EPHA5: variants seen among roughly 807,000 people sequenced by gnomAD.
EPHA5 encodes the protein EPH receptor A5, also known as ephrin type-A receptor 5.
A neutral mutation model predicts 105.0 loss-of-function variants in EPHA5; 60 were observed. The observed-to-expected ratio is 0.57, with a 90% CI of 0.46 to 0.71. The LOEUF (loss-of-function observed/expected upper bound fraction) is 0.71, where lower values mean the gene tolerates loss of function less well. EPHA5 is among the 30% of genes least tolerant of loss of function. The pLI is 0.00. For synonymous variants in EPHA5, 513 were observed against 449.1 expected (o/e 1.14, Z -1.80); for missense variants, 1,218 against 1,274.7 (o/e 0.96, Z 0.68).
Position 65,574,631 on chromosome 4 carries a change from TATATATATACAC to T in EPHA5, c.910+26998_910+27009del, listed in dbSNP as rs1489048013. 4.9e-4 allele frequency among the ~76,000 whole-genome samples: 40 copies of T among 81,694 alleles called. No individual in the cohort carries two copies. In the East Asian group the frequency reaches 8.1e-3, roughly 17 times the overall value. 53.6% of individuals were successfully genotyped at this position (81,694 alleles called of 152,430 possible). A position where few individuals can be genotyped will look rare whatever the true frequency, so the allele number is the denominator to read the frequency against. On this transcript the variant is annotated intron_variant, in intron 3 of 16. Coordinates refer to ENST00000613740, the MANE Select transcript of EPHA5 (RefSeq NM_001281766.3). ...ATATATACATATATATATATACACA[TATATATATACAC>T]ATATATATACACATATATATATACA... is the stretch of plus-strand genomic sequence containing the variant.
rs139159682 is a variant in EPHA5, at chr4:65,599,547, T to A, written c.910+2094A>T. ...AAACTCTTCCTAGAGTGCCATCACA[T>A]ACCATTTGTACATAGTAAAATACCA... On this transcript the variant is annotated intron_variant, in intron 3 of 16. Coordinates refer to ENST00000613740, the MANE Select transcript of EPHA5 (RefSeq NM_001281766.3). Among the ~76,000 whole-genome samples the A allele has an allele frequency of 5.5e-3, 835 of 152,256 alleles. 10 individuals carry two copies. The highest frequency in any genetic ancestry group is 0.02 in the African/African-American group (815 of 41,564).
At chr4:65,571,817 G>T (rs1440664169) in intron 3 of EPHA5, among the ~76,000 whole-genome samples, 1 of 151,884 alleles carries the variant, frequency 6.6e-6, no homozygotes, top group African/African-American at 2.4e-5. Flanking sequence ...TTGCATAATA[G>T]CATTTCAGTA....
chr4:65,398,083 G>A (rs1721428382), intron 8 of EPHA5, among the ~76,000 whole-genome samples: 1 of 152,182 alleles, frequency 6.6e-6, no homozygotes, highest in Non-Finnish European at 1.5e-5. Context: ...TGCAGCTGCA[G>A]ACACCCAGCC....
At chr4:65,466,188 T>C (rs748038919) in intron 5 of EPHA5, among the ~76,000 whole-genome samples, 16 of 152,204 alleles carry the variant, frequency 1.1e-4, no homozygotes, top group Non-Finnish European at 2.2e-4. Flanking sequence ...CTGAAAACAC[T>C]TTTGAGAATG....
At position 65,601,771 on chromosome 4, in the gene EPHA5, G is replaced by A. The variant is rs34680587; in HGVS notation, c.780C>T (p.Gly260=). ...CGGTCACAGAATGGTTGACACAGGA[G>A]CCTGACACTTCGAGCAATTGGGAAG... ...ADSSQLLEVS[G]SCVNHSVTDE... is the part of the protein sequence containing the mutation. Residue 260 remains glycine, a synonymous_variant, in exon 3 of 17, where the codon GGC becomes GGT. Transcript: ENST00000613740. 98 of 1,614,178 alleles carry A rather than the reference G, an allele frequency of 6.1e-5. No individual in the cohort carries two copies. In the African/African-American group the frequency reaches 1.2e-3, roughly 20 times the overall value.
chr4:65,527,925 T>C (rs1735396256), intron 3 of EPHA5, among the ~76,000 whole-genome samples: 1 of 152,122 alleles, frequency 6.6e-6, no homozygotes, highest in Non-Finnish European at 1.5e-5. Context: ...CTCCCACTTA[T>C]AAGTGAGAAC....
At chr4:65,404,272 C>A in intron 8 of EPHA5, 102 bp downstream of exon 8, 1 of 810,240 alleles carries the variant, frequency 1.2e-6, no homozygotes. Flanking sequence ...TGATATATTG[C>A]TTGCCTGATT....
intron 5 of EPHA5, among the ~76,000 whole-genome samples, chr4:65,427,184 T>TA (rs1560525565): frequency 2.5e-4 from 16 of 63,996 alleles, no homozygotes; most frequent in Middle Eastern, 0.013. Context: ...TCGAGTGTAT[T>TA]CTTTTTTTTT....
At chr4:65,567,790 G>A (rs1739706796) in intron 3 of EPHA5, among the ~76,000 whole-genome samples, 1 of 151,360 alleles carries the variant, frequency 6.6e-6, no homozygotes, top group African/African-American at 2.4e-5. Flanking sequence ...TTCTACAGTG[G>A]GGAGTTTGGA....
chr4:65,372,948 T>C (rs1375480417), intron 8 of EPHA5, among the ~76,000 whole-genome samples: 3 of 151,950 alleles, frequency 2.0e-5, no homozygotes, highest in Admixed American at 1.3e-4. Context: ...CTTCAAAATA[T>C]GCAAAGATAA....
intron 3 of EPHA5, among the ~76,000 whole-genome samples, chr4:65,570,506 T>C (rs1740016191): frequency 6.6e-6 from 1 of 151,666 alleles, no homozygotes; most frequent in Non-Finnish European, 1.5e-5. Flanking sequence ...CTGATTCCCC[T>C]TTTTCGGCCT....
intron 2 of EPHA5, among the ~76,000 whole-genome samples, chr4:65,639,629 T>C (rs1747462666): frequency 1.3e-5 from 2 of 152,208 alleles, no homozygotes. Flanking sequence ...TAATGTTTCC[T>C]CATCAAATTT....
Position 65,351,586 on chromosome 4 carries a change from G to A in EPHA5, c.2248C>T (p.Gln750Ter), listed in dbSNP as rs549914252. 1 of 1,613,370 alleles carries A rather than the reference G, an allele frequency of 6.2e-7. No homozygotes were observed. The highest frequency in any genetic ancestry group is 2.2e-5 in the East Asian group (1 of 44,832). ...CCAACAAGCTGAATCACAGTGAACT[G>A]CCCATCGTTTTTCTGTAAAGACAAT... is the stretch of plus-strand genomic sequence containing the variant. ...LDTFLKKNDG[Q>*]FTVIQLVGML... The change falls in exon 13 of 17, where the codon CAG becomes TAG. Residue 750 changes from glutamine to a stop codon, truncating the protein, a stop_gained. Transcript: ENST00000613740. LOFTEE classifies it high-confidence loss of function.
At chr4:65,476,121 A>AGTGTGTGTGTGT (rs1265229948) in intron 5 of EPHA5, among the ~76,000 whole-genome samples, 10 of 133,070 alleles carry the variant, frequency 7.5e-5, no homozygotes, top group African/African-American at 2.3e-4. Flanking sequence ...AGAGAGAGAG[A>AGTGTGTGTGTGT]GAGAGAGTGT....
At chr4:65,515,528 T>C (rs574566637) in intron 3 of EPHA5, among the ~76,000 whole-genome samples, 14 of 152,182 alleles carry the variant, frequency 9.2e-5, no homozygotes, top group Admixed American at 1.3e-4. Context: ...TAGTTTCCAG[T>C]GACAAGATCT....
At chr4:65,495,906 A>T (rs1731885249) in intron 3 of EPHA5, among the ~76,000 whole-genome samples, 1 of 152,222 alleles carries the variant, frequency 6.6e-6, no homozygotes, top group African/African-American at 2.4e-5. Flanking sequence ...ATGTTGAAGA[A>T]ATAAATATTA....
chr4:65,598,837 T>C (rs1402797735), intron 3 of EPHA5, among the ~76,000 whole-genome samples: 1 of 151,864 alleles, frequency 6.6e-6, no homozygotes, highest in Non-Finnish European at 1.5e-5. Context: ...GGCTAGTGCA[T>C]AGGGAAGGGG....
At chr4:65,371,218 C>A (rs927974914) in intron 8 of EPHA5, among the ~76,000 whole-genome samples, 1 of 152,004 alleles carries the variant, frequency 6.6e-6, no homozygotes, top group Non-Finnish European at 1.5e-5. Flanking sequence ...ATCCTCTAAT[C>A]ATTTATACTC....
Position 65,365,975 on chromosome 4 carries a change from C to T in EPHA5, c.1944G>A (p.Glu648=), listed in dbSNP as rs781162980. The T allele has an allele frequency of 4.0e-5, 65 of 1,609,388 alleles. No homozygotes were observed. The highest frequency in any genetic ancestry group is 5.3e-5 in the Non-Finnish European group (62 of 1,176,842). Residue 648 remains glutamate (E), a synonymous_variant, in exon 10 of 17, where the codon GAG becomes GAA. Coordinates refer to ENST00000613740, the MANE Select transcript of EPHA5 (RefSeq NM_001281766.3). The part of the protein sequence containing the change: ...PNQAVHEFAK[E]IEASCITIER... ...CAATGGTGATACATGATGCTTCTAT[C>T]TCCTTAGCAAATTCGTGGACAGCTT... is the stretch of plus-strand genomic sequence containing the variant.
Sources: gnomAD v4.1 joint callset for allele counts (sites outside exome capture counted in the v4.1 genomes callset) on GRCh38, gnomAD v4.1.1 for gene constraint, MANE v1.5 for transcripts, NCBI Gene and HGNC (gene_info 2026-07-23, HGNC 2026-07-21) for gene names.